MATR3: variants seen among roughly 807,000 people sequenced by gnomAD.
MATR3 encodes matrin-3.
A neutral mutation model predicts 85.5 loss-of-function variants in MATR3; 4 were observed. The ratio of observed to expected loss-of-function variants is 0.05; its 90% CI spans 0.02 to 0.11. The LOEUF (loss-of-function observed/expected upper bound fraction) is 0.11. Ranked by LOEUF, MATR3 falls within the 10% of genes least tolerant of loss-of-function variation. MATR3 has a pLI of 1.00. For synonymous variants in MATR3, 336 were observed against 343.1 expected, an observed-to-expected ratio of 0.98 and a Z score of 0.23; for missense variants, 685 against 1,016.1, an observed-to-expected ratio of 0.67 and a Z score of 4.43.
At position 139,330,287 on chromosome 5, in the gene MATR3, G is replaced by A. The variant is rs1470831265; in HGVS notation, c.*892G>A. On this transcript the variant is annotated 3_prime_UTR_variant, in exon 15 of 15. Coordinates refer to ENST00000394805, the MANE Select transcript of MATR3 (RefSeq NM_018834.6). ...TCATGTACCTGCACATGTGACCTTTGTGAACAGAAATTTGCATGTATAATT... is the reference window on the plus strand; with the variant it reads ...TCATGTACCTGCACATGTGACCTTTATGAACAGAAATTTGCATGTATAATT... 1.1e-5 allele frequency: 5 copies of A among 453,340 alleles called. No homozygotes were observed. The highest frequency in any genetic ancestry group is 2.2e-5 in the Non-Finnish European group (5 of 226,240). The allele number at this position is 453,340 out of a possible 1,614,324, so 28.1% of individuals were successfully genotyped here. A position where few individuals can be genotyped will look rare whatever the true frequency, so the allele number is the denominator to read the frequency against.
chr5:139,316,142 C>T lies in MATR3; in HGVS notation c.1083C>T (p.Pro361=), dbSNP rs1755229832. Residue 361 remains proline (P), a synonymous_variant, in exon 5 of 15, where the codon CCC becomes CCT. Coordinates refer to ENST00000394805, the MANE Select transcript of MATR3 (RefSeq NM_018834.6). ...PAPGILGPPP[P]SFHLGGPAVG... is the part of the protein sequence containing the mutation. ...CAGGAATTCTGGGACCTCCACCTCC[C>T]TCATTTCATCTTGGGGGACCAGCAG... is the stretch of plus-strand genomic sequence containing the variant. The T allele has an allele frequency of 6.2e-7, 1 of 1,613,980 alleles. No individual in the cohort carries two copies. Among genetic ancestry groups the T allele is most frequent in the Admixed American group, 1.7e-5 (1 of 60,020 alleles).
chr5:139,275,597 A>T (rs193102967), intron 1 of MATR3, among the ~76,000 whole-genome samples: 37 of 152,300 alleles, frequency 2.4e-4, no homozygotes, highest in African/African-American at 8.9e-4. Flanking sequence ...GGATTAGCTT[A>T]TATTTCACTT....
intron 14 of MATR3, 39 bp from the exon 15 acceptor site, chr5:139,329,306 C>G (rs1178240334): frequency 6.8e-7 from 1 of 1,465,580 alleles, no homozygotes; most frequent in African/African-American, 1.4e-5. Context: ...CTGCATTTCT[C>G]TTAGGTGACT....
chr5:139,319,065 G>GTT (rs753740585), intron 8 of MATR3, 32 bp downstream of exon 8: 1 of 1,578,580 alleles, frequency 6.3e-7, no homozygotes, highest in Non-Finnish European at 8.7e-7. Flanking sequence ...CTGTATATCA[G>GTT]TTTAACAAAT....
intron 1 of MATR3, among the ~76,000 whole-genome samples, chr5:139,296,138 A>T (rs1352704683): frequency 6.6e-6 from 1 of 152,212 alleles, no homozygotes; most frequent in Non-Finnish European, 1.5e-5. Context: ...TATCCTAAGG[A>T]AGTAATGTGT....
At chr5:139,279,095 G>A (rs1364673699) in exon 3 of MATR3, 1 of 456,228 alleles carries the variant, frequency 2.2e-6, no homozygotes, top group African/African-American at 2.0e-5. Flanking sequence ...GACCCCAGAT[G>A]TCTGACAGCC....
chr5:139,315,763 A>G (rs763368090), intron 4 of MATR3, 25 bp downstream of exon 4: 51 of 1,565,294 alleles, frequency 3.3e-5, no homozygotes, highest in Non-Finnish European at 4.1e-5. Flanking sequence ...TTAAGCTACC[A>G]TTTGTAAAGG....
chr5:139,277,059 C>T (rs1336218348), intron 2 of MATR3, among the ~76,000 whole-genome samples: 1 of 151,964 alleles, frequency 6.6e-6, no homozygotes, highest in Admixed American at 6.6e-5. Context: ...TATTGAGTTC[C>T]CTTTGTAGTA....
chr5:139,306,250 A>G (rs748593606), intron 1 of MATR3, among the ~76,000 whole-genome samples: 2 of 152,220 alleles, frequency 1.3e-5, no homozygotes, highest in Non-Finnish European at 2.9e-5. Context: ...AAAGAAAACA[A>G]TTTCATCTAG....
At chr5:139,279,297 C>T (rs942810208) in intron 3 of MATR3, 12 of 377,336 alleles carry the variant, frequency 3.2e-5, no homozygotes, top group African/African-American at 2.1e-4. Flanking sequence ...GGCTCGATCT[C>T]GGCTCACTGC....
chr5:139,319,953 T>C (rs1054288232), intron 9 of MATR3, among the ~76,000 whole-genome samples: 15 of 149,354 alleles, frequency 1.0e-4, no homozygotes, highest in Admixed American at 5.3e-4. Flanking sequence ...CTTTTCTTTT[T>C]TTTTTTTTTG....
chr5:139,304,838 T>C (rs1754628265), intron 1 of MATR3, among the ~76,000 whole-genome samples: 1 of 152,228 alleles, frequency 6.6e-6, no homozygotes, highest in Non-Finnish European at 1.5e-5. Flanking sequence ...CTCCATATTG[T>C]GCTGCCTTTG....
rs1756090830 is a variant in MATR3, at chr5:139,330,575, G to A, written c.*1180G>A. The A allele has an allele frequency of 2.2e-6, 1 of 453,976 alleles. No individual in the cohort carries two copies. The highest frequency in any genetic ancestry group is 4.4e-6 in the Non-Finnish European group (1 of 226,798). 28.1% of individuals were successfully genotyped at this position (453,976 alleles called of 1,614,324 possible). On this transcript the variant is annotated 3_prime_UTR_variant, in exon 15 of 15. Transcript: ENST00000394805. The stretch of plus-strand genomic sequence containing the variant: ...AGTTTTAAAAATGTTGTTGCTGGTG[G>A]ATTTCTTGTTCCTGTTACATAACTA...
chr5:139,277,219 A>G (rs1753317543), intron 2 of MATR3, among the ~76,000 whole-genome samples: 1 of 151,348 alleles, frequency 6.6e-6, no homozygotes, highest in African/African-American at 2.4e-5. Flanking sequence ...GACGTTGTCC[A>G]GGCTGGTCTC....
intron 2 of MATR3, among the ~76,000 whole-genome samples, chr5:139,309,214 G>C (rs1457703549): frequency 6.6e-6 from 1 of 152,022 alleles, no homozygotes; most frequent in East Asian, 1.9e-4. Flanking sequence ...TACTCATTCT[G>C]ACTTTTTTTC....
intron 1 of MATR3, chr5:139,294,172 A>G (rs1383862377): frequency 7.6e-6 from 6 of 786,376 alleles, no homozygotes; most frequent in Middle Eastern, 4.1e-4. Flanking sequence ...CTAGCCCGTT[A>G]CACGCGGGCC....
intron 9 of MATR3, among the ~76,000 whole-genome samples, chr5:139,320,255 C>T (rs2152000214): frequency 6.6e-6 from 1 of 151,888 alleles, no homozygotes; most frequent in South Asian, 2.1e-4. Flanking sequence ...CTTGCAATGA[C>T]TCGAGATTGT....
chr5:139,319,031 A>G lies in MATR3; in HGVS notation c.1432A>G (p.Lys478Glu). The G allele has an allele frequency of 6.2e-7, 1 of 1,612,530 alleles. No individual in the cohort carries two copies. The highest frequency in any genetic ancestry group is 8.5e-7 in the Non-Finnish European group (1 of 1,178,500). Residue 478 changes from lysine (K) to glutamate (E), a missense_variant and splice_region_variant, in exon 8 of 15, where the codon AAG (lysine) becomes GAG (glutamate). Lys to Glu is a moderately conservative substitution (Grantham distance 56). Transcript: ENST00000394805. ...VHLSQKYKRI[K>E]KPEGKPDQKF... The stretch of plus-strand genomic sequence containing the variant: ...TTTATCCCAGAAGTATAAAAGAATA[A>G]AGGTAATGTTTATTTTTTTCAAGCT...
chr5:139,274,916 T>A (rs1345607040), intron 1 of MATR3, among the ~76,000 whole-genome samples: 1 of 151,144 alleles, frequency 6.6e-6, no homozygotes, highest in African/African-American at 2.4e-5. Context: ...AGAGCAAGAC[T>A]CCGTCTAAAA....
Sources: gnomAD v4.1 joint callset for allele counts (sites outside exome capture counted in the v4.1 genomes callset) on GRCh38, gnomAD v4.1.1 for gene constraint, MANE v1.5 for transcripts, NCBI Gene and HGNC (gene_info 2026-07-23, HGNC 2026-07-21) for gene names.